CALN1: variants seen among roughly 807,000 people sequenced by gnomAD.
CALN1 encodes calcium-binding protein 8.
A neutral mutation model predicts 30.6 loss-of-function variants in CALN1; 17 were observed. The observed-to-expected ratio is 0.56, with a 90% CI of 0.38 to 0.83. The LOEUF is 0.83. CALN1 is among the 40% of genes least tolerant of loss of function. The pLI is 0.00. For missense variants in CALN1, 291 were observed against 354.9 expected (o/e 0.82, Z 1.45); for synonymous variants, 156 against 131.4 (o/e 1.19, Z -1.28).
chr7:71,875,144 A>G (rs1792166529), intron 5 of CALN1, among the ~76,000 whole-genome samples: 1 of 136,554 alleles, frequency 7.3e-6, no homozygotes, highest in Non-Finnish European at 1.5e-5. Flanking sequence ...CAGCCTGGGT[A>G]AAGGAGACTC....
intron 1 of CALN1, among the ~76,000 whole-genome samples, chr7:72,407,474 G>A (rs1806781546): frequency 6.6e-6 from 1 of 152,172 alleles, no homozygotes; most frequent in South Asian, 2.1e-4. Flanking sequence ...TTGTGATACA[G>A]TTCTCATGAG....
chr7:72,452,751 AGGAGGCCTAATATCTGTTTAAGGTG>A, the CALN1 span, among the ~76,000 whole-genome samples: 2 of 152,202 alleles, frequency 1.3e-5, no homozygotes, highest in Non-Finnish European at 2.9e-5. Context: ...AATAGAATCC[AGGAGGCCTAATATCTGTTTAAGGTG>A]GGAGTGATTT....
rs1409398057 is a variant in CALN1, at chr7:71,838,814, A to C, written c.502-28322T>G. 2.0e-5 allele frequency among the ~76,000 whole-genome samples: 3 copies of C among 152,042 alleles called. No homozygotes were observed. The East Asian group carries it at 5.8e-4, about 29-fold the overall frequency. On this transcript the variant is annotated intron_variant, in intron 5 of 6. Coordinates refer to ENST00000395275, the MANE Select transcript of CALN1 (RefSeq NM_031468.4). ...TTCTCTTTGCTGTAGCCATGTGAAG[A>C]AGGACGTGTTTTCTTCTCCTTCTGC...
At chr7:72,190,843 A>ATTTT (rs758129242) in intron 3 of CALN1, among the ~76,000 whole-genome samples, 1 of 84,532 alleles carries the variant, frequency 1.2e-5, no homozygotes. Flanking sequence ...TCGATTTATT[A>ATTTT]TTATTTTTTT....
chr7:72,310,048 A>C (rs1227745651), intron 2 of CALN1, among the ~76,000 whole-genome samples: 5 of 151,990 alleles, frequency 3.3e-5, no homozygotes, highest in African/African-American at 9.7e-5. Context: ...TCATTCTCTG[A>C]CTACTCATGG....
chr7:71,942,091 C>T (rs1192304319), intron 5 of CALN1, among the ~76,000 whole-genome samples: 2 of 151,912 alleles, frequency 1.3e-5, no homozygotes, highest in African/African-American at 2.4e-5. Flanking sequence ...CCCAGCTACT[C>T]GGAGGCTGAG....
intron 2 of CALN1, among the ~76,000 whole-genome samples, chr7:72,307,303 G>A (rs921228768): frequency 6.6e-6 from 1 of 152,116 alleles, no homozygotes; most frequent in African/African-American, 2.4e-5. Context: ...TGTTATTTTT[G>A]AGTTGACAGC....
At chr7:72,474,749 G>A in the CALN1 span, among the ~76,000 whole-genome samples, 1 of 151,822 alleles carries the variant, frequency 6.6e-6, no homozygotes, top group African/African-American at 2.4e-5. Flanking sequence ...CCCAACTCTT[G>A]GGCAGGACAT....
intron 5 of CALN1, among the ~76,000 whole-genome samples, chr7:71,868,576 T>G (rs1791733588): frequency 6.6e-6 from 1 of 152,002 alleles, no homozygotes. Flanking sequence ...TTCGCCACGT[T>G]AGCTGGGTTG....
intron 3 of CALN1, among the ~76,000 whole-genome samples, chr7:72,134,565 A>C (rs530930583): frequency 6.6e-6 from 1 of 152,234 alleles, no homozygotes; most frequent in Non-Finnish European, 1.5e-5. Flanking sequence ...GTAGCATTAT[A>C]TCTTTAAAAA....
At chr7:72,154,817 A>G (rs1197151347) in intron 3 of CALN1, among the ~76,000 whole-genome samples, 1 of 152,154 alleles carries the variant, frequency 6.6e-6, no homozygotes, top group Non-Finnish European at 1.5e-5. Flanking sequence ...CTGAAGAGAA[A>G]GGAGGATTAC....
Position 72,154,637 on chromosome 7 carries a change from C to T in CALN1, c.245-48343G>A, listed in dbSNP as rs114533058. Among the ~76,000 whole-genome samples, 597 of 152,202 alleles carry T rather than the reference C, an allele frequency of 3.9e-3. 4 individuals are homozygous for T. The highest frequency in any genetic ancestry group is 0.012 in the African/African-American group (519 of 41,530). ...CAGAGGGCCTCTGTGTCTCCCTCTA[C>T]TAAAACTCAGATGTTGAAGTCCTAA... On this transcript the variant is annotated intron_variant, in intron 3 of 6. Coordinates refer to ENST00000395275, the MANE Select transcript of CALN1 (RefSeq NM_031468.4).
chr7:72,246,771 T>TTTTTTTGG (rs1795194829), intron 3 of CALN1, among the ~76,000 whole-genome samples: 1 of 149,968 alleles, frequency 6.7e-6, no homozygotes, highest in Non-Finnish European at 1.5e-5. Flanking sequence ...TTTTTTTTTT[T>TTTTTTTGG]GAGATGGAGT....
At chr7:71,942,699 G>A (rs1796199271) in intron 5 of CALN1, among the ~76,000 whole-genome samples, 1 of 152,168 alleles carries the variant, frequency 6.6e-6, no homozygotes, top group Non-Finnish European at 1.5e-5. Context: ...CAGGTGATTA[G>A]ATCTTAAAAG....
At chr7:72,023,310 T>G (rs1400482736) in intron 5 of CALN1, among the ~76,000 whole-genome samples, 1 of 152,162 alleles carries the variant, frequency 6.6e-6, no homozygotes, top group South Asian at 2.1e-4. Context: ...CATGCCATTC[T>G]CTCAGCAAAG....
At chr7:71,898,113 T>A (rs938122823) in intron 5 of CALN1, among the ~76,000 whole-genome samples, 12 of 150,076 alleles carry the variant, frequency 8.0e-5, no homozygotes, top group African/African-American at 2.5e-4. Context: ...TTGGATCACC[T>A]GAGGTCAGGA....
chr7:72,102,183 G>C (rs1806719668), intron 4 of CALN1, among the ~76,000 whole-genome samples: 1 of 152,126 alleles, frequency 6.6e-6, no homozygotes. Flanking sequence ...AGTAGCTCAT[G>C]CCTGTAATCC....
chr7:72,437,923 CCCTT>C (rs771249146), intron 1 of CALN1, among the ~76,000 whole-genome samples: 1 of 145,948 alleles, frequency 6.9e-6, no homozygotes, highest in Non-Finnish European at 1.5e-5. Flanking sequence ...TTCCCTCTCT[CCCTT>C]CCTTCCCTCT....
At chr7:72,152,730 T>C (rs1048484081) in intron 3 of CALN1, among the ~76,000 whole-genome samples, 9 of 152,050 alleles carry the variant, frequency 5.9e-5, no homozygotes, top group Non-Finnish European at 1.3e-4. Context: ...CAGAGAGGAT[T>C]AGAGTTTTTC....
Sources: gnomAD v4.1 joint callset for allele counts (sites outside exome capture counted in the v4.1 genomes callset) on GRCh38, gnomAD v4.1.1 for gene constraint, MANE v1.5 for transcripts, NCBI Gene and HGNC (gene_info 2026-07-23, HGNC 2026-07-21) for gene names.